BRCA2: variants seen among roughly 807,000 people sequenced by gnomAD.
The protein encoded by BRCA2 is breast cancer type 2 susceptibility protein.
BRCA2 carries 203 observed loss-of-function variants against 276.7 expected under a neutral mutation model. The ratio of observed to expected loss-of-function variants is 0.73; its 90% CI spans 0.65 to 0.82. The LOEUF is 0.82. Among genes scored for constraint, BRCA2 ranks in the 40% least tolerant of loss-of-function variants. The probability of loss-of-function intolerance (pLI) is 0.00; values close to 1 mark genes in which losing one functional copy is unlikely to be tolerated. For synonymous variants in BRCA2, 1,289 were observed against 1,338.4 expected, an observed-to-expected ratio of 0.96 and a Z score of 0.81; for missense variants, 3,920 against 3,915.0, an observed-to-expected ratio of 1.00 and a Z score of -0.03.
intron 10 of BRCA2, among the ~76,000 whole-genome samples, chr13:32,334,685 AAAG>A (rs2072434890): frequency 6.6e-6 from 1 of 152,076 alleles, no homozygotes; most frequent in South Asian, 2.1e-4. Context: ...GAAAAAAAAA[AAAG>A]AAAAAAAAAA....
rs34469166 is a variant in BRCA2, at chr13:32,358,476, C to CA, written c.7805+561dup. Among the ~76,000 whole-genome samples the CA allele has an allele frequency of 0.3, 34,904 of 118,272 alleles. 4,515 individuals carry two copies. Among genetic ancestry groups the CA allele is most frequent in the African/African-American group, 0.3 (9,560 of 31,346 alleles). The allele number at this position is 118,272 out of a possible 152,430, so 77.6% of individuals were successfully genotyped here. A position where few individuals can be genotyped will look rare whatever the true frequency, so the allele number is the denominator to read the frequency against. The stretch of plus-strand genomic sequence containing the variant: ...GGGCGATAAGAGTGAGACTCCATCT[C>CA]AAAAAAAAAAAAAAGAAAAAAGTTA... On this transcript the variant is annotated intron_variant, in intron 16 of 26. Transcript: ENST00000380152.
At chr13:32,330,191 A>G (rs2072378579) in intron 8 of BRCA2, among the ~76,000 whole-genome samples, 1 of 152,206 alleles carries the variant, frequency 6.6e-6, no homozygotes, top group African/African-American at 2.4e-5. Context: ...GTAGCTGTCA[A>G]TCAAAACAAC....
rs276174869 is a variant in BRCA2, at chr13:32,326,656, G to A, written c.631+43G>A. 4.1e-5 allele frequency: 57 copies of A among 1,388,136 alleles called. No homozygotes were observed. The highest frequency in any genetic ancestry group is 1.8e-4 in the Middle Eastern group (1 of 5,582). The allele number at this position is 1,388,136 out of a possible 1,614,324, so 86.0% of individuals were successfully genotyped here. A position where few individuals can be genotyped will look rare whatever the true frequency, so the allele number is the denominator to read the frequency against. On this transcript the variant is annotated intron_variant, in intron 7 of 26. Transcript: ENST00000380152. ...GTATTTACAAGAAAGAGCAGATGAG[G>A]TTGATAATTGTCATCTCTAATACTT...
intron 18 of BRCA2, among the ~76,000 whole-genome samples, chr13:32,367,127 T>C (rs148785308): frequency 1.3e-3 from 191 of 152,106 alleles, no homozygotes; most frequent in African/African-American, 4.3e-3. Flanking sequence ...GATAAAATAA[T>C]TTGAGCATCA....
chr13:32,366,880 AAAAAG>A (rs1471057135), intron 18 of BRCA2, among the ~76,000 whole-genome samples: 250 of 152,168 alleles, frequency 1.6e-3, no homozygotes, highest in African/African-American at 5.8e-3. Flanking sequence ...AAAAAAAAAA[AAAAAG>A]GAATAATCCA....
At chr13:32,356,908 T>C (rs900014806) in intron 15 of BRCA2, among the ~76,000 whole-genome samples, 1 of 152,366 alleles carries the variant, frequency 6.6e-6, no homozygotes, top group Non-Finnish European at 1.5e-5. Flanking sequence ...CTTACTGATA[T>C]TCAAATGTGA....
chr13:32,365,569 C>T (rs1181374323), intron 18 of BRCA2, among the ~76,000 whole-genome samples: 6 of 151,830 alleles, frequency 4.0e-5, no homozygotes, highest in Non-Finnish European at 8.8e-5. Context: ...TTAGTAGAGA[C>T]AGGGTTTCAC....
intron 20 of BRCA2, among the ~76,000 whole-genome samples, chr13:32,372,561 G>C (rs903219189): frequency 6.6e-6 from 1 of 152,068 alleles, no homozygotes; most frequent in Non-Finnish European, 1.5e-5. Flanking sequence ...ACTAGCACAA[G>C]AATAGCATGG....
At chr13:32,366,757 G>C (rs1161273592) in intron 18 of BRCA2, among the ~76,000 whole-genome samples, 1 of 151,882 alleles carries the variant, frequency 6.6e-6, no homozygotes, top group Non-Finnish European at 1.5e-5. Context: ...GGGACGTAGA[G>C]GTTGCAGTGA....
At chr13:32,326,779 A>G (rs536155469) in intron 7 of BRCA2, among the ~76,000 whole-genome samples, 166 bp downstream of exon 7, 5 of 151,794 alleles carry the variant, frequency 3.3e-5, no homozygotes, top group African/African-American at 9.7e-5. Flanking sequence ...GTAGATTGGA[A>G]TAAATACAAA....
At chr13:32,383,028 C>T (rs368456110) in intron 24 of BRCA2, among the ~76,000 whole-genome samples, 17 of 151,590 alleles carry the variant, frequency 1.1e-4, no homozygotes, top group African/African-American at 3.9e-4. Context: ...TCTATTTCCT[C>T]GCTGAAACAG....
chr13:32,347,782 A>C lies in BRCA2; in HGVS notation c.7007+886A>C, dbSNP rs2072621768. 1.3e-5 allele frequency among the ~76,000 whole-genome samples: 2 copies of C among 152,218 alleles called. 1 individual carries two copies. The highest frequency in any genetic ancestry group is 4.1e-4 in the South Asian group (2 of 4,824). ...CCTGACCCAATAGAAAAGACCAAAA[A>C]ATACTGACAGTTGAGGATACTCAGA... On this transcript the variant is annotated intron_variant, in intron 13 of 26. Coordinates refer to ENST00000380152, the MANE Select transcript of BRCA2 (RefSeq NM_000059.4).
Position 32,363,370 on chromosome 13 carries a change from A to C in BRCA2, c.8168A>C (p.Asp2723Ala), listed in dbSNP as rs41293513. ...TQKVAIIELT[D>A]GWYAVKAQLD... is the part of the protein sequence containing the mutation. The stretch of plus-strand genomic sequence containing the variant: ...AAAGTGGCCATTATTGAACTTACAG[A>C]TGGGTGGTATGCTGTTAAGGCCCAG... Residue 2723 changes from aspartate (D) to alanine (A), a missense_variant, in exon 18 of 27, where the codon GAT becomes GCT. Asp to Ala is a moderately radical substitution (Grantham distance 126, BLOSUM62 -2). Coordinates refer to ENST00000380152, the MANE Select transcript of BRCA2 (RefSeq NM_000059.4). 6 of 1,614,162 alleles carry C rather than the reference A, an allele frequency of 3.7e-6. No homozygotes were observed. The highest frequency in any genetic ancestry group is 5.1e-6 in the Non-Finnish European group (6 of 1,180,024).
At chr13:32,362,177 CA>C (rs1249505798) in intron 16 of BRCA2, among the ~76,000 whole-genome samples, 2 of 152,178 alleles carry the variant, frequency 1.3e-5, no homozygotes, top group East Asian at 3.9e-4. Flanking sequence ...TGTGAGCTAC[CA>C]CTCTTGGCTG....
intron 24 of BRCA2, among the ~76,000 whole-genome samples, chr13:32,390,258 A>C (rs2072987814): frequency 6.6e-6 from 1 of 151,952 alleles, no homozygotes; most frequent in African/African-American, 2.4e-5. Context: ...AAACCATTCA[A>C]CTTCCTGCCT....
At chr13:32,377,027 G>T (rs929728013) in intron 21 of BRCA2, among the ~76,000 whole-genome samples, 1 of 152,142 alleles carries the variant, frequency 6.6e-6, no homozygotes, top group Admixed American at 6.6e-5. Context: ...ATTAAATTTG[G>T]TTTAAAATGC....
In BRCA2 at chr13:32,363,300, A is replaced by G. The variant is rs80359053; in HGVS notation, c.8098A>G (p.Ile2700Val). The change falls in exon 18 of 27, where the codon ATA (isoleucine) becomes GTA (valine). Residue 2700 changes from isoleucine (I) to valine (V), a missense_variant. Coordinates refer to ENST00000380152, the MANE Select transcript of BRCA2 (RefSeq NM_000059.4). Reference protein sequence around the residue: ...VSDIISLSANISETSSNKTSS... With the variant: ...VSDIISLSANVSETSSNKTSS... The stretch of plus-strand genomic sequence containing the variant: ...TGACATAATTTCATTGAGCGCAAAT[A>G]TATCTGAAACTTCTAGCAATAAAAC... 1.2e-6 allele frequency: 2 copies of G among 1,614,208 alleles called. No homozygotes were observed. Among genetic ancestry groups the G allele is most frequent in the Non-Finnish European group, 1.7e-6 (2 of 1,180,028 alleles).
At chr13:32,333,568 G>A (rs1022652810) in intron 10 of BRCA2, among the ~76,000 whole-genome samples, 181 bp downstream of exon 10, 4 of 152,126 alleles carry the variant, frequency 2.6e-5, no homozygotes, top group African/African-American at 9.7e-5. Context: ...CTCAAACATG[G>A]TAGATAAGTT....
intron 25 of BRCA2, chr13:32,395,960 C>CTTTCT (rs1312051282): frequency 1.5e-3 from 119 of 79,212 alleles, no homozygotes; most frequent in African/African-American, 0.01. Context: ...TTCTTTCTTT[C>CTTTCT]TTTTTTTTTT....
Sources: gnomAD v4.1 joint callset for allele counts (sites outside exome capture counted in the v4.1 genomes callset) on GRCh38, gnomAD v4.1.1 for gene constraint, MANE v1.5 for transcripts, NCBI Gene and HGNC (gene_info 2026-07-23, HGNC 2026-07-21) for gene names.